Variants in BPTF observed in about 807,000 individuals in gnomAD.
The protein encoded by BPTF is bromodomain PHD finger transcription factor.
A neutral mutation model predicts 292.5 loss-of-function variants in BPTF; 18 were observed. That is an observed-to-expected ratio of 0.06 (90% CI 0.04 to 0.09). The LOEUF (loss-of-function observed/expected upper bound fraction) is 0.09, where lower values mean the gene tolerates loss of function less well. Ranked by LOEUF, BPTF falls within the 10% of genes least tolerant of loss-of-function variation. BPTF has a pLI of 1.00. For synonymous variants in BPTF, 1,225 were observed against 1,251.9 expected, an observed-to-expected ratio of 0.98 and a Z score of 0.45; for missense variants, 2,726 against 3,498.7, an observed-to-expected ratio of 0.78 and a Z score of 5.57.
chr17:67,934,203 C>G (rs928940222), intron 18 of BPTF, among the ~76,000 whole-genome samples: 2 of 151,932 alleles, frequency 1.3e-5, no homozygotes, highest in Non-Finnish European at 2.9e-5. Context: ...CTATATTATG[C>G]TGTAACAAGA....
At chr17:67,968,093 A>G (rs1339086547) in intron 26 of BPTF, among the ~76,000 whole-genome samples, 2 of 151,594 alleles carry the variant, frequency 1.3e-5, no homozygotes, top group African/African-American at 4.9e-5. Context: ...AATGGCTACA[A>G]ATGATTTTAC....
At chr17:67,919,931 C>T (rs555324894) in intron 12 of BPTF, 84 bp from the exon 13 acceptor site, 1 of 1,352,766 alleles carries the variant, frequency 7.4e-7, no homozygotes, top group Non-Finnish European at 1.0e-6. Context: ...CCACGTGTGT[C>T]TCTTTTTGAA....
intron 4 of BPTF, among the ~76,000 whole-genome samples, chr17:67,883,691 C>G (rs374259078): frequency 1.3e-5 from 2 of 152,264 alleles, no homozygotes; most frequent in South Asian, 4.1e-4. Flanking sequence ...CCTCCGCCCC[C>G]CTGGGTTCAA....
chr17:67,894,387 G>A (rs2061313841), intron 7 of BPTF, among the ~76,000 whole-genome samples: 2 of 151,908 alleles, frequency 1.3e-5, no homozygotes, highest in Non-Finnish European at 2.9e-5. Flanking sequence ...AGCATGCAGT[G>A]GTGTAGTCTC....
intron 1 of BPTF, among the ~76,000 whole-genome samples, chr17:67,828,365 G>A (rs2056317126): frequency 6.6e-6 from 1 of 152,146 alleles, no homozygotes; most frequent in South Asian, 2.1e-4. Flanking sequence ...GTTAAAAAGA[G>A]CTGAGACATT....
chr17:67,868,165 A>C (rs1258859988), intron 3 of BPTF, among the ~76,000 whole-genome samples: 2 of 152,078 alleles, frequency 1.3e-5, no homozygotes, highest in Non-Finnish European at 2.9e-5. Context: ...TTATTTTTTT[A>C]AGTTATAAAT....
chr17:67,962,649 T>C (rs1555684703), intron 24 of BPTF, among the ~76,000 whole-genome samples: 1 of 152,260 alleles, frequency 6.6e-6, no homozygotes, highest in Non-Finnish European at 1.5e-5. Flanking sequence ...ACAAACATTA[T>C]ATTAACAGGA....
intron 7 of BPTF, 93 bp downstream of exon 7, chr17:67,894,258 C>A (rs2061303470): frequency 2.3e-6 from 3 of 1,322,498 alleles, no homozygotes; most frequent in Non-Finnish European, 3.1e-6. Context: ...ATTTAAGAGG[C>A]CATATTGAAG....
intron 23 of BPTF, chr17:67,955,413 CCTTAT>C (rs2066836046): frequency 6.7e-6 from 1 of 149,564 alleles, no homozygotes; most frequent in African/African-American, 2.5e-5. Flanking sequence ...TACAAATGGA[CCTTAT>C]CTTTAGGCAA....
rs182703266 is a variant in BPTF, at chr17:67,891,761, C to T, written c.1865-83C>T. On this transcript the variant is annotated intron_variant, in intron 4 of 27. Coordinates refer to ENST00000306378, the MANE Select transcript of BPTF (RefSeq NM_182641.4). Reference sequence around the variant, plus strand: ...TACTTTGTGGATCTTACACATACACCAGATACGAGTTTTGGTGAAATAAGG... The same window carrying T: ...TACTTTGTGGATCTTACACATACACTAGATACGAGTTTTGGTGAAATAAGG... The T allele has an allele frequency of 2.1e-4, 221 of 1,041,476 alleles. No individual in the cohort carries two copies. The African/African-American group carries it at 3.4e-3, about 16-fold the overall frequency. The allele number at this position is 1,041,476 out of a possible 1,614,324, so 64.5% of individuals were successfully genotyped here.
intron 24 of BPTF, chr17:67,963,611 A>G (rs2067720702): frequency 8.6e-7 from 1 of 1,163,176 alleles, no homozygotes; most frequent in Admixed American, 3.8e-5. Flanking sequence ...TTCTACATTT[A>G]TTATACACTT....
In BPTF at chr17:67,931,903, AT is replaced by A; in HGVS notation, c.6151-5del. ...ATTTTAATTCATTGTTCTTTGTGTC[AT>A]TTATAGGTAATCACAGGGCCTCAGA... On this transcript the variant is annotated splice_polypyrimidine_tract_variant and splice_region_variant and intron_variant, in intron 17 of 27. Coordinates refer to ENST00000306378, the MANE Select transcript of BPTF (RefSeq NM_182641.4). 6.2e-7 allele frequency: 1 copy of A among 1,602,948 alleles called. No homozygotes were observed. Among genetic ancestry groups the A allele is most frequent in the Non-Finnish European group, 8.5e-7 (1 of 1,171,802 alleles).
chr17:67,932,557 G>C lies in BPTF; in HGVS notation c.6259+538G>C, dbSNP rs923085438. 6.6e-5 allele frequency among the ~76,000 whole-genome samples: 10 copies of C among 152,122 alleles called. No homozygotes were observed. The East Asian group carries it at 1.9e-3, about 29-fold the overall frequency. On this transcript the variant is annotated intron_variant, in intron 18 of 27. Transcript: ENST00000306378. Reference sequence around the variant, plus strand: ...ACTAAAAATATTAAAAAATTAGCTGGGCGTGGTGCCTCATGCACCTGTAAT... The same window carrying C: ...ACTAAAAATATTAAAAAATTAGCTGCGCGTGGTGCCTCATGCACCTGTAAT...
intron 19 of BPTF, 37 bp from the exon 20 acceptor site, chr17:67,944,113 C>G (rs1555673182): frequency 6.8e-7 from 1 of 1,475,800 alleles, no homozygotes; most frequent in Admixed American, 1.7e-5. Flanking sequence ...CAGATTGATG[C>G]TTTGAACACT....
chr17:67,848,387 G>A lies in BPTF; in HGVS notation c.614-5553G>A, dbSNP rs148236815. The stretch of plus-strand genomic sequence containing the variant: ...TCTAAAGGAGTCAACAAATGAGCCA[G>A]GGGGCATGAGTAATTGCCTGTAATA... On this transcript the variant is annotated intron_variant, in intron 1 of 27. Coordinates refer to ENST00000306378, the MANE Select transcript of BPTF (RefSeq NM_182641.4). 4.4e-3 allele frequency among the ~76,000 whole-genome samples: 673 copies of A among 152,244 alleles called. 5 individuals are homozygous for A. The highest frequency in any genetic ancestry group is 0.015 in the African/African-American group (631 of 41,548).
At chr17:67,876,785 G>A (rs1296160740) in intron 4 of BPTF, among the ~76,000 whole-genome samples, 2 of 151,888 alleles carry the variant, frequency 1.3e-5, no homozygotes, top group African/African-American at 4.8e-5. Context: ...CAGCCTGGGC[G>A]ACAGAGCAAG....
intron 19 of BPTF, among the ~76,000 whole-genome samples, chr17:67,942,839 T>G (rs543260914): frequency 6.6e-6 from 1 of 152,314 alleles, no homozygotes; most frequent in Non-Finnish European, 1.5e-5. Flanking sequence ...TATATAATGG[T>G]AAGCTAAAGA....
intron 7 of BPTF, 41 bp from the exon 8 acceptor site, chr17:67,903,748 T>A (rs767374997): frequency 6.7e-7 from 1 of 1,484,424 alleles, no homozygotes; most frequent in East Asian, 2.5e-5. Context: ...TTCTGTTTAT[T>A]TTTCCAAGTT....
intron 9 of BPTF, 72 bp downstream of exon 9, chr17:67,904,912 G>A: frequency 8.0e-7 from 1 of 1,250,026 alleles, no homozygotes; most frequent in Admixed American, 2.4e-5. Context: ...GTAGTATTTT[G>A]ACTATATTTT....
Sources: gnomAD v4.1 joint callset for allele counts (sites outside exome capture counted in the v4.1 genomes callset) on GRCh38, gnomAD v4.1.1 for gene constraint, MANE v1.5 for transcripts, NCBI Gene and HGNC (gene_info 2026-07-23, HGNC 2026-07-21) for gene names.